DIP2A: variants seen among roughly 807,000 people sequenced by gnomAD.
The protein encoded by DIP2A is disco-interacting protein 2 homolog A.
In DIP2A, 85 loss-of-function variants were observed where a neutral mutation model predicts 177.4. That is an observed-to-expected ratio of 0.48 (90% CI 0.40 to 0.57). The LOEUF (loss-of-function observed/expected upper bound fraction) is 0.57. Ranked by LOEUF, DIP2A falls within the 20% of genes least tolerant of loss-of-function variation. DIP2A has a pLI of 0.00. For synonymous variants in DIP2A, 886 were observed against 881.8 expected (o/e 1.00, Z -0.08); for missense variants, 1,791 against 2,100.2 (o/e 0.85, Z 2.88).
intron 9 of DIP2A, among the ~76,000 whole-genome samples, chr21:46,531,378 C>T (rs2148753653): frequency 6.6e-6 from 1 of 152,070 alleles, no homozygotes; most frequent in South Asian, 2.1e-4. Flanking sequence ...GAAAGCAACG[C>T]AAGTAGAAAT....
chr21:46,525,352 G>A (rs1009645951), intron 8 of DIP2A, among the ~76,000 whole-genome samples: 8 of 152,108 alleles, frequency 5.3e-5, no homozygotes, highest in African/African-American at 1.4e-4. Context: ...TCCCGGGTTC[G>A]TTTCTAAAGA....
intron 8 of DIP2A, among the ~76,000 whole-genome samples, chr21:46,525,269 T>A (rs2059025267): frequency 6.6e-6 from 1 of 152,206 alleles, no homozygotes; most frequent in South Asian, 2.1e-4. Flanking sequence ...GGGAAAATGC[T>A]GTTGTTTTAC....
chr21:46,547,813 A>G (rs1480466759), intron 21 of DIP2A, among the ~76,000 whole-genome samples: 1 of 151,620 alleles, frequency 6.6e-6, no homozygotes, highest in Non-Finnish European at 1.5e-5. Context: ...GGGACCACAG[A>G]CATGCACCCC....
At chr21:46,467,268 C>A (rs1027231554) in intron 1 of DIP2A, among the ~76,000 whole-genome samples, 16 of 140,900 alleles carry the variant, frequency 1.1e-4, no homozygotes, top group African/African-American at 4.0e-4. Context: ...TGCACTCCAG[C>A]CTGGGCTACA....
intron 5 of DIP2A, among the ~76,000 whole-genome samples, chr21:46,501,310 G>T (rs1214279151): frequency 4.6e-5 from 7 of 152,132 alleles, no homozygotes; most frequent in Non-Finnish European, 1.0e-4. Flanking sequence ...TTATACAAAT[G>T]TAAATACCTA....
At chr21:46,550,837 C>T in intron 23 of DIP2A, 93 bp downstream of exon 23, 3 of 1,279,498 alleles carry the variant, frequency 2.3e-6, no homozygotes, top group Non-Finnish European at 2.2e-6. Flanking sequence ...ACCTCCAGTG[C>T]CAACTGCCCA....
chr21:46,571,998 C>T (rs1209871888), downstream of DIP2A, among the ~76,000 whole-genome samples: 2 of 152,098 alleles, frequency 1.3e-5, no homozygotes, highest in Non-Finnish European at 2.9e-5. Flanking sequence ...GGGAATCCTT[C>T]CTAGTTTTTG....
chr21:46,460,617 G>C (rs2148199613), intron 1 of DIP2A, among the ~76,000 whole-genome samples: 1 of 152,150 alleles, frequency 6.6e-6, no homozygotes, highest in Admixed American at 6.5e-5. Context: ...TTGTGATCTT[G>C]TTTTACATAT....
In DIP2A at chr21:46,534,082, A is replaced by G. The variant is rs555324932; in HGVS notation, c.1508A>G (p.Gln503Arg). The G allele has an allele frequency of 1.1e-5, 17 of 1,613,920 alleles. No individual in the cohort carries two copies. The South Asian group carries it at 1.6e-4, about 16-fold the overall frequency. The part of the protein sequence containing the change: ...KPPKDWHPLA[Q>R]DTGTGTAYIE... ...CCAAAGGACTGGCACCCTCTGGCCC[A>G]GGACACAGGGACTGGGACTGCCTAC... The change falls in exon 12 of 38, where the codon CAG becomes CGG. Residue 503 changes from glutamine to arginine, a missense_variant. Physicochemically the swap from Gln to Arg is conservative, Grantham distance 43. Transcript: ENST00000417564.
chr21:46,498,996 C>T lies in DIP2A; in HGVS notation c.655+163C>T, dbSNP rs1361919903. ...CTGAGGTCACACAACCCAGATAACC[C>T]ATACTGGCTTATCTGCCTGAGACAT... On this transcript the variant is annotated intron_variant, in intron 5 of 37. Transcript: ENST00000417564. The surrounding 1 kb of genome is among the most constrained non-coding windows in gnomAD (Gnocchi z 4.3). Among the ~76,000 whole-genome samples, 1 of 152,172 alleles carries T rather than the reference C, an allele frequency of 6.6e-6. No individual in the cohort carries two copies. Among genetic ancestry groups the T allele is most frequent in the African/African-American group, 2.4e-5 (1 of 41,428 alleles).
chr21:46,548,166 G>A (rs930351547), intron 21 of DIP2A, among the ~76,000 whole-genome samples: 1 of 151,300 alleles, frequency 6.6e-6, no homozygotes, highest in African/African-American at 2.4e-5. Context: ...GGCAGGCTGT[G>A]CTCATGCATG....
intron 19 of DIP2A, 26 bp from the exon 20 acceptor site, chr21:46,545,855 A>G (rs2060010406): frequency 1.9e-6 from 3 of 1,610,736 alleles, no homozygotes; most frequent in Non-Finnish European, 2.5e-6. Context: ...CCACAGCCTG[A>G]TCGTGCCCCT....
rs2056950450 is a variant in DIP2A at position 46,490,513 on chromosome 21, A to C, written c.164-87A>C. The C allele has an allele frequency of 4.9e-6, 7 of 1,429,818 alleles. No individual in the cohort carries two copies. The South Asian group carries it at 9.9e-5, about 20-fold the overall frequency. 88.6% of individuals were successfully genotyped at this position (1,429,818 alleles called of 1,614,324 possible). On this transcript the variant is annotated intron_variant, in intron 2 of 37. Coordinates refer to ENST00000417564, the MANE Select transcript of DIP2A (RefSeq NM_015151.4). ...TTTGATAGAGGGTATGCAACAGATGAGAAATGTAAGCTGTTTTCAATGGAC... is the reference window on the plus strand; with the variant it reads ...TTTGATAGAGGGTATGCAACAGATGCGAAATGTAAGCTGTTTTCAATGGAC...
the DIP2A span, among the ~76,000 whole-genome samples, chr21:46,582,086 C>T: frequency 6.6e-6 from 1 of 152,134 alleles, no homozygotes. Context: ...CTGCCCATCC[C>T]CCTAAGGACT....
At chr21:46,509,021 C>CA (rs1214418850) in intron 6 of DIP2A, among the ~76,000 whole-genome samples, 1 of 150,604 alleles carries the variant, frequency 6.6e-6, no homozygotes, top group Admixed American at 6.6e-5. Context: ...CCGTCTAAAG[C>CA]AAAAAAACAA....
At chr21:46,512,085 G>GTAAC (rs1403186033) in intron 8 of DIP2A, among the ~76,000 whole-genome samples, 1 of 152,050 alleles carries the variant, frequency 6.6e-6, no homozygotes, top group African/African-American at 2.4e-5. Flanking sequence ...CACGCAAAGG[G>GTAAC]TAACTACTGT....
intron 20 of DIP2A, among the ~76,000 whole-genome samples, 200 bp from the exon 21 acceptor site, chr21:46,546,715 T>C (rs12627385): frequency 0.51 from 78,201 of 152,100 alleles, 22,396 homozygotes; most frequent in Admixed American, 0.67. Flanking sequence ...CCCCATTCCT[T>C]CCACACAGCC....
intron 13 of DIP2A, 45 bp downstream of exon 13, chr21:46,534,732 C>A (rs2059492595): frequency 2.0e-6 from 3 of 1,518,696 alleles, no homozygotes; most frequent in Non-Finnish European, 2.7e-6. Flanking sequence ...CAGCCTCACA[C>A]AGATACCTGA....
intron 1 of DIP2A, among the ~76,000 whole-genome samples, chr21:46,464,843 T>C (rs11702839): frequency 2.1e-4 from 9 of 42,964 alleles, no homozygotes; most frequent in African/African-American, 7.8e-4. Flanking sequence ...TTTTTTTTTT[T>C]TCAAGAAAAC....
Sources: allele counts gnomAD v4.1 joint callset (sites outside exome capture counted in the v4.1 genomes callset), GRCh38; gene constraint gnomAD v4.1.1; non-coding constraint Gnocchi (gnomAD v3.1); transcripts MANE v1.5; gene names NCBI Gene and HGNC (gene_info 2026-07-23, HGNC 2026-07-21).